VAMP7: variants seen among roughly 807,000 people sequenced by gnomAD.
VAMP7 encodes vesicle-associated membrane protein 7.
VAMP7 carries 14 observed loss-of-function variants against 29.6 expected under a neutral mutation model. The ratio of observed to expected loss-of-function variants is 0.47; its 90% CI spans 0.31 to 0.74. The LOEUF (loss-of-function observed/expected upper bound fraction) is 0.74. Ranked by LOEUF, VAMP7 falls within the 30% of genes least tolerant of loss-of-function variation. VAMP7 has a pLI of 0.05. For missense variants in VAMP7, 223 were observed against 262.4 expected (o/e 0.85, Z 1.04); for synonymous variants, 95 against 88.1 (o/e 1.08, Z -0.44).
chrX:155,919,892 A>T lies in VAMP7; in HGVS notation c.501+12A>T, dbSNP rs2066370679. The T allele has an allele frequency of 1.9e-6, 3 of 1,599,218 alleles. No individual in the cohort carries two copies. The East Asian group carries it at 6.7e-5, about 36-fold the overall frequency. On this transcript the variant is annotated intron_variant, in intron 6 of 7. Coordinates refer to ENST00000286448, the MANE Select transcript of VAMP7 (RefSeq NM_005638.6). ...ATCTTGTGGATTCTGTAAGTATGGA[A>T]TCTGATAATATGGAGTCTGATGTAA...
intron 6 of VAMP7, among the ~76,000 whole-genome samples, chrX:155,929,144 T>C (rs1009638267): frequency 2.0e-5 from 3 of 152,220 alleles, no homozygotes; most frequent in Non-Finnish European, 4.4e-5. Context: ...ATGAAGAATT[T>C]AGGCATCTGA....
chrX:155,893,763 C>A (rs1284451127), intron 2 of VAMP7, among the ~76,000 whole-genome samples: 1 of 152,202 alleles, frequency 6.6e-6, no homozygotes, highest in Non-Finnish European at 1.5e-5. Flanking sequence ...TCCCAAAGGC[C>A]TTGTCTCCAA....
rs760551128 is a variant in VAMP7, at chrX:155,903,758, G to A, written c.433+3171G>A. Among the ~76,000 whole-genome samples, 12 of 152,194 alleles carry A rather than the reference G, an allele frequency of 7.9e-5. No homozygotes were observed. The South Asian group carries it at 1.9e-3, about 24-fold the overall frequency. On this transcript the variant is annotated intron_variant, in intron 5 of 7. Coordinates refer to ENST00000286448, the MANE Select transcript of VAMP7 (RefSeq NM_005638.6). ...TAGGAACACTTTTACACAGTTGGTC[G>A]GACTGTAAACTAGTTCAACCCTTGT...
intron 5 of VAMP7, among the ~76,000 whole-genome samples, chrX:155,914,590 G>A (rs985474107): frequency 1.1e-4 from 17 of 151,952 alleles, no homozygotes; most frequent in Admixed American, 3.3e-4. Flanking sequence ...GAATTTTATC[G>A]AAGGCCTTTT....
chrX:155,927,765 G>GTTT lies in VAMP7; in HGVS notation c.501+7898_501+7900dup, dbSNP rs35465189. Among the ~76,000 whole-genome samples the GTTT allele has an allele frequency of 4.6e-3, 645 of 141,192 alleles. 6 individuals are homozygous for GTTT. The highest frequency in any genetic ancestry group is 0.012 in the African/African-American group (447 of 38,588). The allele number at this position is 141,192 out of a possible 152,430, so 92.6% of individuals were successfully genotyped here. A position where few individuals can be genotyped will look rare whatever the true frequency, so the allele number is the denominator to read the frequency against. ...AGTTTTTTAGTTTTTCACAATGGCAGTTTTTTTTTTTTTTTAAAGTGAGTG... is the reference window on the plus strand; with the variant it reads ...AGTTTTTTAGTTTTTCACAATGGCAGTTTTTTTTTTTTTTTTTTAAAGTGAGTG... On this transcript the variant is annotated intron_variant, in intron 6 of 7. Coordinates refer to ENST00000286448, the MANE Select transcript of VAMP7 (RefSeq NM_005638.6).
chrX:155,886,365 AT>A (rs1463557973), intron 1 of VAMP7, among the ~76,000 whole-genome samples: 1 of 152,144 alleles, frequency 6.6e-6, no homozygotes, highest in Non-Finnish European at 1.5e-5. Flanking sequence ...AGGAATTCCT[AT>A]TAGTGACATC....
rs755001780 is a variant in VAMP7, at chrX:155,883,352, T to C, written c.-10+1904T>C. Among the ~76,000 whole-genome samples the C allele has an allele frequency of 2.7e-4, 41 of 152,272 alleles. No individual in the cohort carries two copies. The South Asian group carries it at 8.3e-3, about 31-fold the overall frequency. On this transcript the variant is annotated intron_variant, in intron 1 of 7. Coordinates refer to ENST00000286448, the MANE Select transcript of VAMP7 (RefSeq NM_005638.6). ...GCTCTCAGTGCCTTCTCTTCTTCCA[T>C]CCATCCCTCCTAAAAGGATCTCCCA...
chrX:155,941,962 G>A lies in VAMP7; in HGVS notation c.*11G>A. 6.2e-7 allele frequency: 1 copy of A among 1,613,778 alleles called. No homozygotes were observed. The highest frequency in any genetic ancestry group is 8.5e-7 in the Non-Finnish European group (1 of 1,179,826). On this transcript the variant is annotated 3_prime_UTR_variant, in exon 8 of 8. Transcript: ENST00000286448. ...TGTGTGAAGAAATAGGAAAGAAGAA[G>A]TTACCATTAACCAAGGATATGAGAG...
chrX:155,886,470 C>G (rs867856480), intron 1 of VAMP7, among the ~76,000 whole-genome samples: 2 of 152,156 alleles, frequency 1.3e-5, no homozygotes, highest in Non-Finnish European at 2.9e-5. Flanking sequence ...ACACTACTTG[C>G]GTATAACTTA....
At chrX:155,908,294 C>T (rs188370383) in intron 5 of VAMP7, among the ~76,000 whole-genome samples, 3,370 of 152,234 alleles carry the variant, frequency 0.022, 240 homozygotes, top group East Asian at 0.024. Context: ...AACGAGACTC[C>T]GTCTGCAATC....
rs768301580 is a variant in VAMP7, at chrX:155,894,512, C to G, written c.147-1111C>G. Among the ~76,000 whole-genome samples, 13 of 152,104 alleles carry G rather than the reference C, an allele frequency of 8.5e-5. No individual in the cohort carries two copies. In the East Asian group the frequency reaches 2.3e-3, roughly 27 times the overall value. On this transcript the variant is annotated intron_variant, in intron 2 of 7. Coordinates refer to ENST00000286448, the MANE Select transcript of VAMP7 (RefSeq NM_005638.6). ...TTTTCTTCACATTCTGTACTCTAGT[C>G]ATGTGAGCCAATTTTACTTTCCTAA...
chrX:155,909,426 A>G (rs750898233), intron 5 of VAMP7, among the ~76,000 whole-genome samples: 4 of 151,912 alleles, frequency 2.6e-5, no homozygotes, highest in Admixed American at 1.3e-4. Flanking sequence ...TAAAGAACCA[A>G]CTTCTGGTTT....
At chrX:155,909,892 A>G (rs2066212272) in intron 5 of VAMP7, among the ~76,000 whole-genome samples, 1 of 152,134 alleles carries the variant, frequency 6.6e-6, no homozygotes, top group Non-Finnish European at 1.5e-5. Context: ...GTAATGATCA[A>G]GTCAGGATAT....
At chrX:155,940,094 T>C (rs1180125220) in intron 7 of VAMP7, among the ~76,000 whole-genome samples, 1 of 152,132 alleles carries the variant, frequency 6.6e-6, no homozygotes, top group East Asian at 1.9e-4. Context: ...GGGTTTATTG[T>C]TTTTATTTTT....
intron 1 of VAMP7, among the ~76,000 whole-genome samples, chrX:155,883,871 T>A (rs752797091): frequency 6.6e-6 from 1 of 151,760 alleles, no homozygotes; most frequent in Non-Finnish European, 1.5e-5. Context: ...CCACCACGCC[T>A]GACTAATTTT....
intron 5 of VAMP7, among the ~76,000 whole-genome samples, chrX:155,916,851 G>A (rs1276073128): frequency 9.9e-5 from 15 of 151,970 alleles, no homozygotes; most frequent in African/African-American, 2.7e-4. Context: ...TGCTCTTCTC[G>A]AGGAGTATCT....
chrX:155,902,009 G>A (rs2066069849), intron 5 of VAMP7, among the ~76,000 whole-genome samples: 1 of 152,090 alleles, frequency 6.6e-6, no homozygotes, highest in Non-Finnish European at 1.5e-5. Context: ...CATGAACATG[G>A]AATGTTCTTC....
chrX:155,941,136 C>A (rs2066737310), intron 7 of VAMP7, among the ~76,000 whole-genome samples: 1 of 151,714 alleles, frequency 6.6e-6, no homozygotes, highest in South Asian at 2.1e-4. Flanking sequence ...CATAGTGACA[C>A]CCTATCTCTA....
intron 5 of VAMP7, among the ~76,000 whole-genome samples, chrX:155,912,141 A>G (rs954777817): frequency 3.3e-5 from 5 of 152,040 alleles, no homozygotes; most frequent in African/African-American, 9.7e-5. Flanking sequence ...GGCCTTTATC[A>G]TGTTGAGGGA....
Sources: allele counts gnomAD v4.1 joint callset (sites outside exome capture counted in the v4.1 genomes callset), GRCh38; gene constraint gnomAD v4.1.1; transcripts MANE v1.5; gene names NCBI Gene and HGNC (gene_info 2026-07-23, HGNC 2026-07-21).